The following MEF2C variants were observed in gnomAD, a reference collection of about 807,000 sequenced individuals.
MEF2C encodes myocyte-specific enhancer factor 2C.
MEF2C carries 6 observed loss-of-function variants against 50.5 expected under a neutral mutation model. The ratio of observed to expected loss-of-function variants is 0.12; its 90% CI spans 0.07 to 0.23. MEF2C has a LOEUF of 0.23. Ranked by LOEUF, MEF2C falls within the 10% of genes least tolerant of loss-of-function variation. MEF2C has a pLI of 1.00. For missense variants in MEF2C, 276 were observed against 605.0 expected (o/e 0.46, Z 5.70); for synonymous variants, 183 against 228.0 (o/e 0.80, Z 1.78).
At position 88,723,576 on chromosome 5, in the gene MEF2C, C is replaced by T. The variant is rs536768101; in HGVS notation, c.1101-651G>A. Among the ~76,000 whole-genome samples the T allele has an allele frequency of 4.6e-4, 70 of 152,256 alleles. 1 individual carries two copies. The highest frequency in any genetic ancestry group is 1.6e-3 in the African/African-American group (66 of 41,562). Reference sequence around the variant, plus strand: ...GAAAATTATCTGCAGAAAGTTTAAACGTTGGTTTTCAAACACTTAAGACTT... The same window carrying T: ...GAAAATTATCTGCAGAAAGTTTAAATGTTGGTTTTCAAACACTTAAGACTT... On this transcript the variant is annotated intron_variant, in intron 10 of 10. Transcript: ENST00000504921.
chr5:88,835,976 G>A (rs1814940835), intron 1 of MEF2C, among the ~76,000 whole-genome samples: 1 of 152,058 alleles, frequency 6.6e-6, no homozygotes, highest in African/African-American at 2.4e-5. Context: ...TAAGGAATTA[G>A]GGGTATATAT....
chr5:88,742,441 A>C (rs780942194), intron 6 of MEF2C: 1 of 981,272 alleles, frequency 1.0e-6, no homozygotes, highest in Non-Finnish European at 1.2e-6. Context: ...TATCCTTCAC[A>C]CTATTAGGTT....
At chr5:88,857,509 G>A (rs1823871147) in intron 1 of MEF2C, among the ~76,000 whole-genome samples, 1 of 152,170 alleles carries the variant, frequency 6.6e-6, no homozygotes, top group African/African-American at 2.4e-5. Context: ...GGAGGGGCCA[G>A]GGGAGAAATG....
chr5:88,813,143 G>A (rs776718706), intron 2 of MEF2C, among the ~76,000 whole-genome samples: 7 of 151,966 alleles, frequency 4.6e-5, no homozygotes, highest in African/African-American at 7.3e-5. Flanking sequence ...CAGACGCTCC[G>A]GCCATTCCCA....
At chr5:88,751,247 A>G (rs1460132156) in intron 5 of MEF2C, 12 of 985,308 alleles carry the variant, frequency 1.2e-5, no homozygotes, top group Admixed American at 6.1e-5. Flanking sequence ...CTGTGAATTG[A>G]ACAACAGCAA....
At chr5:88,730,115 G>C (rs778480947) in intron 8 of MEF2C, 96 bp downstream of exon 8, 2 of 1,271,274 alleles carry the variant, frequency 1.6e-6, no homozygotes, top group Non-Finnish European at 2.2e-6. Flanking sequence ...ACATACTGTG[G>C]TAACTTCCAA....
rs763238269 is a variant in MEF2C at position 88,895,900 on chromosome 5, A to C, written c.-240+8016T>G. Reference sequence around the variant, plus strand: ...CATGACACGGTATCATTGTGCAATCACTTTAAATGAACCTCTCTTCAAAAG... The same window carrying C: ...CATGACACGGTATCATTGTGCAATCCCTTTAAATGAACCTCTCTTCAAAAG... On this transcript the variant is annotated intron_variant, in intron 1 of 11. Transcript: ENST00000340208. Among the ~76,000 whole-genome samples, 8 of 152,122 alleles carry C rather than the reference A, an allele frequency of 5.3e-5. 1 individual carries two copies.
intron 3 of MEF2C, 190 bp downstream of exon 3, chr5:88,804,408 A>T (rs193138215): frequency 3.1e-5 from 18 of 573,674 alleles, no homozygotes; most frequent in Non-Finnish European, 5.6e-5. Context: ...CTATCATCAC[A>T]TCACTCTAAC....
chr5:88,729,252 T>A lies in MEF2C; in HGVS notation c.930A>T (p.Gly310=), dbSNP rs764581032. The part of the protein sequence containing the change: ...TPTLPGQGMG[G]YPSAISTTYG... ...ATGTTGTTGAAATGGCTGATGGATA[T>A]CCTCCCATTCCTTGTCCTGGTAAAG... is the stretch of plus-strand genomic sequence containing the variant. The change falls in exon 9 of 11, where the codon GGA becomes GGT. Residue 310 remains glycine (G), a synonymous_variant. Transcript: ENST00000504921. The A allele has an allele frequency of 6.2e-7, 1 of 1,613,270 alleles. No individual in the cohort carries two copies. Among genetic ancestry groups the A allele is most frequent in the South Asian group, 1.1e-5 (1 of 91,058 alleles).
chr5:88,733,063 A>C (rs1462369529), intron 6 of MEF2C: 1 of 984,604 alleles, frequency 1.0e-6, no homozygotes, highest in Admixed American at 6.1e-5. Context: ...AAACATAAAG[A>C]CCAATACAAG....
chr5:88,739,665 C>T (rs1329477657), intron 6 of MEF2C: 6 of 985,102 alleles, frequency 6.1e-6, no homozygotes, highest in South Asian at 9.4e-5. Context: ...TGCCTGAAAC[C>T]TTGTTACATA....
chr5:88,782,558 T>C (rs1468368773), intron 3 of MEF2C, among the ~76,000 whole-genome samples: 1 of 152,178 alleles, frequency 6.6e-6, no homozygotes, highest in African/African-American at 2.4e-5. Flanking sequence ...TAATACACTG[T>C]ATGTGATAAA....
At chr5:88,765,428 G>A (rs765599794) in intron 3 of MEF2C, among the ~76,000 whole-genome samples, 10 of 152,246 alleles carry the variant, frequency 6.6e-5, no homozygotes, top group Non-Finnish European at 1.5e-4. Flanking sequence ...GTGTGAATGT[G>A]GAACTATAAG....
rs192948245 is a variant in MEF2C, at chr5:88,794,164, A to G, written c.258+10434T>C. Among the ~76,000 whole-genome samples, 198 of 152,298 alleles carry G rather than the reference A, an allele frequency of 1.3e-3. 1 individual carries two copies. In the South Asian group the frequency reaches 0.034, roughly 26 times the overall value. The stretch of plus-strand genomic sequence containing the variant: ...TACTCCTTTGGGTATATACCCAGAA[A>G]TGGTATGGCTGGGTCAAATGGTATT... On this transcript the variant is annotated intron_variant, in intron 3 of 10. Transcript: ENST00000504921.
intron 2 of MEF2C, among the ~76,000 whole-genome samples, chr5:88,815,408 A>G (rs1416390882): frequency 1.3e-5 from 2 of 152,120 alleles, no homozygotes; most frequent in Admixed American, 6.6e-5. Flanking sequence ...GTTTCCAAAC[A>G]GTTACATTTG....
At chr5:88,775,750 G>A (rs527979114) in intron 3 of MEF2C, 2 of 876,776 alleles carry the variant, frequency 2.3e-6, no homozygotes, top group Non-Finnish European at 2.7e-6. Context: ...ATATTCTTAG[G>A]TGTGCATTGT....
At chr5:88,730,868 T>C (rs932300805) in intron 7 of MEF2C, among the ~76,000 whole-genome samples, 3 of 152,214 alleles carry the variant, frequency 2.0e-5, no homozygotes, top group African/African-American at 4.8e-5. Flanking sequence ...GAAATAAATG[T>C]GTTTGCAGAA....
At chr5:88,860,777 C>T (rs902644811) in intron 1 of MEF2C, among the ~76,000 whole-genome samples, 1 of 152,142 alleles carries the variant, frequency 6.6e-6, no homozygotes, top group Non-Finnish European at 1.5e-5. Flanking sequence ...ATTTTTCCCC[C>T]TCTGGGTTTC....
intron 3 of MEF2C, among the ~76,000 whole-genome samples, chr5:88,785,027 G>A (rs1017972599): frequency 3.8e-4 from 58 of 152,186 alleles, no homozygotes; most frequent in African/African-American, 1.4e-3. Flanking sequence ...CAGAAGAGTC[G>A]ATGTACACAG....
Sources: gnomAD v4.1 joint callset for allele counts (sites outside exome capture counted in the v4.1 genomes callset) on GRCh38, gnomAD v4.1.1 for gene constraint, MANE v1.5 for transcripts, NCBI Gene and HGNC (gene_info 2026-07-23, HGNC 2026-07-21) for gene names.